The following CNTNAP2 variants were observed in gnomAD, a reference collection of about 807,000 sequenced individuals.
CNTNAP2 encodes the protein contactin associated protein 2.
CNTNAP2 carries 98 observed loss-of-function variants against 155.2 expected under a neutral mutation model. That is an observed-to-expected ratio of 0.63 (90% confidence interval 0.54 to 0.75). CNTNAP2 has a LOEUF of 0.75. CNTNAP2 is among the 30% of genes least tolerant of loss of function. CNTNAP2 has a pLI of 0.00. For synonymous variants in CNTNAP2, 651 were observed against 631.2 expected, an observed-to-expected ratio of 1.03 and a Z score of -0.47; for missense variants, 1,727 against 1,688.1, an observed-to-expected ratio of 1.02 and a Z score of -0.40.
At chr7:147,699,575 T>G (rs1414936919) in intron 13 of CNTNAP2, among the ~76,000 whole-genome samples, 1 of 151,180 alleles carries the variant, frequency 6.6e-6, no homozygotes, top group African/African-American at 2.4e-5. Flanking sequence ...GTTCTGCACA[T>G]GTACCCCAGA....
chr7:146,887,232 C>G (rs955425829), intron 3 of CNTNAP2, among the ~76,000 whole-genome samples: 2 of 152,024 alleles, frequency 1.3e-5, no homozygotes, highest in Non-Finnish European at 2.9e-5. Flanking sequence ...TCACTGCAAA[C>G]TCGCCTCCCC....
In CNTNAP2 at chr7:148,379,764, C is replaced by T. The variant is rs569104173; in HGVS notation, c.3476-3885C>T. On this transcript the variant is annotated intron_variant, in intron 21 of 23. Coordinates refer to ENST00000361727, the MANE Select transcript of CNTNAP2 (RefSeq NM_014141.6). ...CCAAATAAATAAATGCTTATCCAAT[C>T]GCTGAAAAGGAGCTCAAGCATGTAC... Among the ~76,000 whole-genome samples the T allele has an allele frequency of 4.6e-5, 7 of 152,116 alleles. No homozygotes were observed. In the South Asian group the frequency reaches 6.2e-4, roughly 14 times the overall value.
chr7:148,186,478 A>T (rs1795116385), intron 18 of CNTNAP2, among the ~76,000 whole-genome samples: 1 of 152,070 alleles, frequency 6.6e-6, no homozygotes, highest in African/African-American at 2.4e-5. Context: ...TTTATAACAC[A>T]CTCACTGGAT....
intron 13 of CNTNAP2, among the ~76,000 whole-genome samples, chr7:147,686,029 C>T (rs1417378773): frequency 6.6e-6 from 1 of 151,868 alleles, no homozygotes; most frequent in East Asian, 1.9e-4. Flanking sequence ...CCATTAGTGG[C>T]ATTTGAGCAG....
chr7:146,859,446 C>A (rs1004959932), intron 3 of CNTNAP2, among the ~76,000 whole-genome samples: 2 of 152,092 alleles, frequency 1.3e-5, no homozygotes, highest in African/African-American at 4.8e-5. Context: ...CACCTGAGGC[C>A]GGGAGTTCAA....
intron 13 of CNTNAP2, among the ~76,000 whole-genome samples, chr7:147,800,303 G>C (rs2116587507): frequency 6.6e-6 from 1 of 152,214 alleles, no homozygotes; most frequent in African/African-American, 2.4e-5. Flanking sequence ...AGCTGAATAA[G>C]GTGGCTGATC....
At chr7:147,853,494 A>C (rs1048477044) in intron 13 of CNTNAP2, among the ~76,000 whole-genome samples, 2 of 152,202 alleles carry the variant, frequency 1.3e-5, no homozygotes, top group African/African-American at 2.4e-5. Flanking sequence ...AGTAAATTTC[A>C]ACACAACCCT....
At chr7:147,500,824 G>T (rs1004698593) in intron 11 of CNTNAP2, among the ~76,000 whole-genome samples, 10 of 152,106 alleles carry the variant, frequency 6.6e-5, no homozygotes, top group African/African-American at 1.9e-4. Context: ...TATAGTACAT[G>T]ATATTCTTTA....
At position 146,864,990 on chromosome 7, in the gene CNTNAP2, TAA is replaced by T. The variant is rs55646482; in HGVS notation, c.402+25107_402+25108del. Among the ~76,000 whole-genome samples, 190 of 83,984 alleles carry T rather than the reference TAA, an allele frequency of 2.3e-3. 1 individual carries two copies. In the Middle Eastern group the frequency reaches 0.029, roughly 13 times the overall value. 55.1% of individuals were successfully genotyped at this position (83,984 alleles called of 152,430 possible). On this transcript the variant is annotated intron_variant, in intron 3 of 23. Transcript: ENST00000361727. ...TCCAGTCTGAGTGACAGAGTCTATC[TAA>T]AAAAAAAAAAAAAAAAAAAAGTATA...
Position 146,138,107 on chromosome 7 carries a change from G to C in CNTNAP2, c.97+21134G>C, listed in dbSNP as rs1486266238. On this transcript the variant is annotated intron_variant, in intron 1 of 23. Transcript: ENST00000361727. ...AATATAAGAAAAGCATCCTAAGAGA[G>C]AAAACATTCTCAAGCTCTAAAACTA... Among the ~76,000 whole-genome samples the C allele has an allele frequency of 2.0e-5, 3 of 152,004 alleles. No homozygotes were observed. In the East Asian group the frequency reaches 5.8e-4, roughly 29 times the overall value.
intron 1 of CNTNAP2, among the ~76,000 whole-genome samples, chr7:146,339,198 T>C (rs1402421341): frequency 1.3e-5 from 2 of 152,146 alleles, no homozygotes; most frequent in East Asian, 3.9e-4. Context: ...TCATTGTGTT[T>C]GTATTTGTCT....
intron 1 of CNTNAP2, among the ~76,000 whole-genome samples, chr7:146,772,509 A>AC (rs1802310752): frequency 6.6e-6 from 1 of 151,372 alleles, no homozygotes; most frequent in East Asian, 1.9e-4. Flanking sequence ...ATACAAAAAA[A>AC]AAAAAAAAAA....
At chr7:146,725,752 ACT>A (rs1209113342) in intron 1 of CNTNAP2, among the ~76,000 whole-genome samples, 2 of 151,942 alleles carry the variant, frequency 1.3e-5, no homozygotes, top group Admixed American at 1.3e-4. Flanking sequence ...ACCCCGAGGG[ACT>A]CAGCATGCGG....
At chr7:146,306,207 A>G (rs1242783795) in intron 1 of CNTNAP2, among the ~76,000 whole-genome samples, 1 of 152,138 alleles carries the variant, frequency 6.6e-6, no homozygotes, top group African/African-American at 2.4e-5. Context: ...GAAGGAGTTG[A>G]ATCACTGAAT....
At chr7:146,496,385 C>G (rs527637058) in intron 1 of CNTNAP2, among the ~76,000 whole-genome samples, 3 of 152,304 alleles carry the variant, frequency 2.0e-5, no homozygotes, top group African/African-American at 7.2e-5. Context: ...CAGATACATT[C>G]ACCGATTTAG....
chr7:147,535,757 G>T (rs1308459917), intron 11 of CNTNAP2, among the ~76,000 whole-genome samples: 1 of 152,146 alleles, frequency 6.6e-6, no homozygotes, highest in African/African-American at 2.4e-5. Flanking sequence ...GGCGAGGACC[G>T]CGAAGGTCAC....
chr7:146,892,360 C>T (rs184312610), intron 3 of CNTNAP2, among the ~76,000 whole-genome samples: 11 of 152,140 alleles, frequency 7.2e-5, no homozygotes, highest in African/African-American at 2.7e-4. Flanking sequence ...AACTGGTAAC[C>T]TGTCACATTC....
chr7:147,137,394 G>T (rs747239192), intron 8 of CNTNAP2, among the ~76,000 whole-genome samples: 18 of 151,262 alleles, frequency 1.2e-4, no homozygotes, highest in Non-Finnish European at 2.2e-4. Context: ...ATCTCTAATT[G>T]GTGGGTTATC....
intron 1 of CNTNAP2, among the ~76,000 whole-genome samples, chr7:146,125,692 C>T (rs1797626008): frequency 6.6e-6 from 1 of 150,666 alleles, no homozygotes; most frequent in Non-Finnish European, 1.5e-5. Flanking sequence ...AACATTGCTT[C>T]TACCATTAAG....
Sources: allele counts gnomAD v4.1 joint callset (sites outside exome capture counted in the v4.1 genomes callset), GRCh38; gene constraint gnomAD v4.1.1; transcripts MANE v1.5; gene names NCBI Gene and HGNC (gene_info 2026-07-23, HGNC 2026-07-21).